Variants in PXDNL observed in about 807,000 individuals in gnomAD.
PXDNL encodes the protein probable oxidoreductase PXDNL.
PXDNL carries 145 observed loss-of-function variants against 150.8 expected under a neutral mutation model. The observed-to-expected ratio is 0.96, with a 90% confidence interval of 0.84 to 1.10. The LOEUF (loss-of-function observed/expected upper bound fraction) is 1.10. PXDNL is among the 50% of genes least tolerant of loss of function. PXDNL has a pLI of 0.00. For synonymous variants in PXDNL, 757 were observed against 725.7 expected (o/e 1.04, Z -0.69); for missense variants, 2,087 against 1,873.9 (o/e 1.11, Z -2.10).
chr8:51,629,592 T>C (rs1814445428), intron 2 of PXDNL, among the ~76,000 whole-genome samples: 1 of 152,080 alleles, frequency 6.6e-6, no homozygotes, highest in Non-Finnish European at 1.5e-5. Context: ...CCAAGAAAGA[T>C]AAATGCAAAA....
chr8:51,335,022 T>C (rs1007358937), intron 21 of PXDNL, among the ~76,000 whole-genome samples: 1 of 152,226 alleles, frequency 6.6e-6, no homozygotes, highest in African/African-American at 2.4e-5. Context: ...TAAGAAAGCC[T>C]CTGGAGTATC....
intron 4 of PXDNL, among the ~76,000 whole-genome samples, chr8:51,509,457 C>T (rs1298168406): frequency 6.6e-6 from 1 of 152,020 alleles, no homozygotes; most frequent in African/African-American, 2.4e-5. Flanking sequence ...CTAACTGGGC[C>T]TGTCTCTCTG....
intron 3 of PXDNL, among the ~76,000 whole-genome samples, chr8:51,586,577 C>T (rs1393948932): frequency 1.3e-5 from 2 of 152,160 alleles, no homozygotes; most frequent in Non-Finnish European, 2.9e-5. Flanking sequence ...GTCCTTCAAG[C>T]TTACACTATT....
chr8:51,527,974 A>G (rs1171551782), intron 4 of PXDNL, among the ~76,000 whole-genome samples: 1 of 152,182 alleles, frequency 6.6e-6, no homozygotes, highest in East Asian at 1.9e-4. Flanking sequence ...TTTAACCTCA[A>G]TGTGCCCCAG....
chr8:51,635,847 C>G lies in PXDNL; in HGVS notation c.236+18842G>C, dbSNP rs367944618. 2.6e-5 allele frequency among the ~76,000 whole-genome samples: 4 copies of G among 152,202 alleles called. No homozygotes were observed. The East Asian group carries it at 7.7e-4, about 29-fold the overall frequency. Reference sequence around the variant, plus strand: ...GAAGAGGAAAGAACGCTTCTTAACTCACTCTATGAGTTTAGTATTAGCCTG... The same window carrying G: ...GAAGAGGAAAGAACGCTTCTTAACTGACTCTATGAGTTTAGTATTAGCCTG... On this transcript the variant is annotated intron_variant, in intron 2 of 22. Coordinates refer to ENST00000356297, the MANE Select transcript of PXDNL (RefSeq NM_144651.5).
intron 3 of PXDNL, among the ~76,000 whole-genome samples, chr8:51,567,442 T>C (rs1235655249): frequency 1.3e-5 from 2 of 151,870 alleles, no homozygotes; most frequent in African/African-American, 4.8e-5. Context: ...CTCACATATT[T>C]TGCTGTTAGG....
intron 1 of PXDNL, among the ~76,000 whole-genome samples, chr8:51,703,130 C>A (rs980631589): frequency 4.6e-5 from 7 of 152,088 alleles, no homozygotes; most frequent in Non-Finnish European, 7.4e-5. Context: ...GCTGCTGAAC[C>A]CATGACATTT....
intron 6 of PXDNL, among the ~76,000 whole-genome samples, chr8:51,475,475 T>G (rs1332443930): frequency 6.6e-6 from 1 of 152,170 alleles, no homozygotes; most frequent in Non-Finnish European, 1.5e-5. Flanking sequence ...ATTAAAACTG[T>G]AAGTATGGCC....
intron 4 of PXDNL, among the ~76,000 whole-genome samples, chr8:51,533,184 C>T (rs1057237027): frequency 6.6e-6 from 1 of 151,922 alleles, no homozygotes; most frequent in African/African-American, 2.4e-5. Context: ...AGAGTCTTGC[C>T]CTGTCACCCA....
intron 1 of PXDNL, among the ~76,000 whole-genome samples, chr8:51,792,380 C>T (rs1340150302): frequency 1.3e-5 from 2 of 152,168 alleles, no homozygotes; most frequent in Non-Finnish European, 2.9e-5. Context: ...ATAGTGCTAC[C>T]CTGTCTGGGA....
chr8:51,558,167 G>A (rs149721047), intron 3 of PXDNL, among the ~76,000 whole-genome samples: 10 of 152,096 alleles, frequency 6.6e-5, no homozygotes, highest in African/African-American at 1.7e-4. Context: ...GTGTAGGTAC[G>A]TGAGTCAGTA....
At chr8:51,620,800 C>T (rs1814235906) in intron 2 of PXDNL, among the ~76,000 whole-genome samples, 1 of 152,178 alleles carries the variant, frequency 6.6e-6, no homozygotes, top group South Asian at 2.1e-4. Flanking sequence ...CCTGCCTTGG[C>T]CTCCCAAAGT....
Position 51,409,158 on chromosome 8 carries a change from G to A in PXDNL, c.2466C>T (p.Ser822=). ...GCCGCCCATCCGAGAAGCGGGCTGT[G>A]CTCAGCGCAGGCACTGTGTGGTCCA... The part of the protein sequence containing the change: ...HDLDHTVPAL[S]TARFSDGRPC... The change falls in exon 17 of 23, where the codon AGC becomes AGT. Residue 822 remains serine (S), a synonymous_variant. Transcript: ENST00000356297. 6.2e-7 allele frequency: 1 copy of A among 1,601,396 alleles called. No homozygotes were observed. Among genetic ancestry groups the A allele is most frequent in the Non-Finnish European group, 8.5e-7 (1 of 1,177,600 alleles).
At chr8:51,474,941 C>T in intron 7 of PXDNL, 31 bp downstream of exon 7, 1 of 1,524,944 alleles carries the variant, frequency 6.6e-7, no homozygotes, top group Admixed American at 2.0e-5. Context: ...AGAGACAGTT[C>T]TATCTTATGT....
chr8:51,537,245 C>T (rs1369749594), intron 4 of PXDNL, among the ~76,000 whole-genome samples: 13 of 152,156 alleles, frequency 8.5e-5, no homozygotes, highest in Admixed American at 8.5e-4. Context: ...TGTGGGCAGG[C>T]AGTGCCCAGG....
chr8:51,755,588 G>A (rs1160314542), intron 1 of PXDNL, among the ~76,000 whole-genome samples: 2 of 152,126 alleles, frequency 1.3e-5, no homozygotes, highest in Non-Finnish European at 2.9e-5. Flanking sequence ...CGCCATGCTC[G>A]GCCTATTACC....
chr8:51,524,279 C>T (rs1002358715), intron 4 of PXDNL, among the ~76,000 whole-genome samples: 10 of 152,134 alleles, frequency 6.6e-5, no homozygotes, highest in African/African-American at 2.4e-4. Context: ...AACTTCAAAG[C>T]ACATAATAGG....
intron 7 of PXDNL, 148 bp downstream of exon 7, chr8:51,474,824 A>G: frequency 5.5e-6 from 3 of 548,690 alleles, no homozygotes; most frequent in Non-Finnish European, 8.8e-6. Flanking sequence ...GATGATGGAA[A>G]GGAAATTGGC....
At chr8:51,462,866 T>A (rs4873551) in intron 8 of PXDNL, among the ~76,000 whole-genome samples, 1 of 150,316 alleles carries the variant, frequency 6.7e-6, no homozygotes, top group Non-Finnish European at 1.5e-5. Context: ...GAGGTCAACA[T>A]GAAAAAAAAA....
Sources: gnomAD v4.1 joint callset for allele counts (sites outside exome capture counted in the v4.1 genomes callset) on GRCh38, gnomAD v4.1.1 for gene constraint, MANE v1.5 for transcripts, NCBI Gene and HGNC (gene_info 2026-07-23, HGNC 2026-07-21) for gene names.